Variants in ADGRB1 observed in about 807,000 individuals in gnomAD.
The protein encoded by ADGRB1 is brain-specific angiogenesis inhibitor 1.
ADGRB1 carries 36 observed loss-of-function variants against 175.7 expected under a neutral mutation model. The observed-to-expected ratio is 0.20, with a 90% CI of 0.16 to 0.27. The LOEUF (loss-of-function observed/expected upper bound fraction) is 0.27. Among genes scored for constraint, ADGRB1 ranks in the 10% least tolerant of loss-of-function variants. The pLI is 1.00. For synonymous variants in ADGRB1, 1,054 were observed against 979.4 expected (o/e 1.08, Z -1.42); for missense variants, 1,731 against 2,255.3 (o/e 0.77, Z 4.71).
At position 142,537,280 on chromosome 8, in the gene ADGRB1, C is replaced by T. The variant is rs927992807; in HGVS notation, c.3666+198C>T. On this transcript the variant is annotated intron_variant, in intron 26 of 30. Coordinates refer to ENST00000517894, the MANE Select transcript of ADGRB1 (RefSeq NM_001702.3). This position sits in a 1 kb window ranked among gnomAD's most constrained non-coding sequence, Gnocchi z 4.6. ...GGTCCGGGGTTTCCAGCTGGGAAGG[C>T]CTGAGCTGATGAGTTTGGAGGTCTC... Among the ~76,000 whole-genome samples the T allele has an allele frequency of 6.6e-5, 10 of 152,208 alleles. 2 individuals are homozygous for T. The highest frequency in any genetic ancestry group is 6.5e-4 in the Admixed American group (10 of 15,294).
intron 18 of ADGRB1, among the ~76,000 whole-genome samples, chr8:142,517,464 CAG>C (rs1171135974): frequency 2.0e-5 from 3 of 152,192 alleles, no homozygotes; most frequent in African/African-American, 2.4e-5. Context: ...GAGGAGCTCA[CAG>C]GGGGCAGGGC....
At chr8:142,541,419 C>T (rs1414429357) in intron 27 of ADGRB1, among the ~76,000 whole-genome samples, 1 of 152,076 alleles carries the variant, frequency 6.6e-6, no homozygotes, top group Non-Finnish European at 1.5e-5. Context: ...GGCTTGCAGG[C>T]CCCAGGGGCA....
At chr8:142,509,387 G>A (rs973879197) in intron 17 of ADGRB1, among the ~76,000 whole-genome samples, 7 of 152,220 alleles carry the variant, frequency 4.6e-5, no homozygotes, top group African/African-American at 1.4e-4. Context: ...GGACACAGCC[G>A]AGGCACAAAG....
chr8:142,542,256 T>C lies in ADGRB1; in HGVS notation c.4022T>C (p.Leu1341Pro). The change falls in exon 28 of 31, where the codon CTG becomes CCG. Residue 1341 changes from leucine (L) to proline (P), a missense_variant. Around this residue, in one of 8 missense-constraint regions of ADGRB1, gnomAD observed 394 missense variants for 410.2 expected, o/e 0.96. Transcript: ENST00000517894. This position sits in a 1 kb window ranked among gnomAD's most constrained non-coding sequence, Gnocchi z 6.3. ...CTGAGCCGGGCCCAGGAGAAGGCTC[T>C]GGACACGAGCTACGTGATCCTGCCC... ...SELSRAQEKA[L>P]DTSYVILPTA... 1.2e-6 allele frequency: 2 copies of C among 1,613,556 alleles called. No individual in the cohort carries two copies. The highest frequency in any genetic ancestry group is 1.7e-6 in the Non-Finnish European group (2 of 1,179,842).
chr8:142,482,229 C>T, intron 11 of ADGRB1, among the ~76,000 whole-genome samples: 1 of 148,542 alleles, frequency 6.7e-6, no homozygotes, highest in Non-Finnish European at 1.5e-5. Context: ...ATCCTGGTCA[C>T]ACACTGAGCC....
chr8:142,478,118 C>A, intron 6 of ADGRB1, 69 bp from the exon 7 acceptor site: 1 of 1,548,274 alleles, frequency 6.5e-7, no homozygotes, highest in Non-Finnish European at 8.7e-7. Context: ...GGTGCTCACA[C>A]CCACATTCCA....
chr8:142,476,170 G>T (rs970737394), intron 3 of ADGRB1, among the ~76,000 whole-genome samples: 2 of 152,226 alleles, frequency 1.3e-5, no homozygotes, highest in Admixed American at 6.5e-5. Flanking sequence ...AAATCACGTT[G>T]TAATGAGACT....
At chr8:142,506,837 A>G (rs893451300) in intron 17 of ADGRB1, among the ~76,000 whole-genome samples, 1 of 152,194 alleles carries the variant, frequency 6.6e-6, no homozygotes, top group Non-Finnish European at 1.5e-5. Flanking sequence ...CTGTCCTGCT[A>G]AAGGCCAGTC....
chr8:142,533,545 C>T, intron 25 of ADGRB1, 79 bp downstream of exon 25: 2 of 1,454,944 alleles, frequency 1.4e-6, no homozygotes, highest in Non-Finnish European at 1.8e-6. Flanking sequence ...TCCCCGAGGA[C>T]CTCGGCAGGG....
At chr8:142,536,900 C>A in intron 25 of ADGRB1, 87 bp from the exon 26 acceptor site, 1 of 1,166,474 alleles carries the variant, frequency 8.6e-7, no homozygotes, top group Non-Finnish European at 1.2e-6. Context: ...AGACGCCCGC[C>A]CCCCCACAGG....
At chr8:142,539,265 T>G in intron 26 of ADGRB1, 109 bp from the exon 27 acceptor site, 1 of 1,137,440 alleles carries the variant, frequency 8.8e-7, no homozygotes, top group Non-Finnish European at 1.3e-6. Flanking sequence ...TGGACAGGGG[T>G]TCCTCGGGGC....
In ADGRB1 at chr8:142,488,515, G is replaced by T; in HGVS notation, c.2452+8G>T. Reference sequence around the variant, plus strand: ...TCTCCACGGGGCTGACAGGTGAGGGGCCCAGGGAGTGGAGGGGGACCTTCA... The same window carrying T: ...TCTCCACGGGGCTGACAGGTGAGGGTCCCAGGGAGTGGAGGGGGACCTTCA... On this transcript the variant is annotated splice_region_variant and intron_variant, in intron 14 of 30. Coordinates refer to ENST00000517894, the MANE Select transcript of ADGRB1 (RefSeq NM_001702.3). 6.2e-7 allele frequency: 1 copy of T among 1,611,232 alleles called. No individual in the cohort carries two copies. The highest frequency in any genetic ancestry group is 8.5e-7 in the Non-Finnish European group (1 of 1,178,746).
At chr8:142,513,909 C>T (rs942146015) in intron 18 of ADGRB1, among the ~76,000 whole-genome samples, 2 of 152,020 alleles carry the variant, frequency 1.3e-5, no homozygotes, top group African/African-American at 4.8e-5. Flanking sequence ...GGAGCCCGAG[C>T]TTACTCCAGG....
At chr8:142,523,442 G>A (rs1368092064) in intron 22 of ADGRB1, among the ~76,000 whole-genome samples, 1 of 151,976 alleles carries the variant, frequency 6.6e-6, no homozygotes, top group Non-Finnish European at 1.5e-5. Flanking sequence ...AGCCCCTGGG[G>A]ACAGGATGTG....
intron 26 of ADGRB1, among the ~76,000 whole-genome samples, chr8:142,539,039 G>A (rs7460047): frequency 0.097 from 14,777 of 152,202 alleles, 1,011 homozygotes; most frequent in South Asian, 0.28. Context: ...ACGCATGTAC[G>A]TGTACAAAAC....
rs773815336 is a variant in ADGRB1, at chr8:142,492,921, G to C, written c.2675+2106G>C. Among the ~76,000 whole-genome samples, 16 of 151,942 alleles carry C rather than the reference G, an allele frequency of 1.1e-4. No homozygotes were observed. The highest frequency in any genetic ancestry group is 3.9e-4 in the African/African-American group (16 of 41,392). ...CCACAGTGCAGAAACCCTCCATCCG[G>C]GCTGTTCGCCGGCCGCGGCAGCTCT... is the stretch of plus-strand genomic sequence containing the variant. On this transcript the variant is annotated intron_variant, in intron 17 of 30. Transcript: ENST00000517894. This position sits in a 1 kb window ranked among gnomAD's most constrained non-coding sequence, Gnocchi z 4.4.
chr8:142,542,820 G>C lies in ADGRB1; in HGVS notation c.4413+173G>C, dbSNP rs753583806. ...GGTGTGCTGTGTATGTCTGACGTGT[G>C]GTCCCCACCCTAGGCTTGGCAGGGT... On this transcript the variant is annotated intron_variant, in intron 28 of 30. Coordinates refer to ENST00000517894, the MANE Select transcript of ADGRB1 (RefSeq NM_001702.3). The surrounding 1 kb of genome is among the most constrained non-coding windows in gnomAD (Gnocchi z 6.3). Among the ~76,000 whole-genome samples the C allele has an allele frequency of 3.5e-4, 54 of 152,234 alleles. No individual in the cohort carries two copies. Among genetic ancestry groups the C allele is most frequent in the Non-Finnish European group, 6.6e-4 (45 of 67,992 alleles).
intron 17 of ADGRB1, among the ~76,000 whole-genome samples, chr8:142,495,246 C>T (rs1842158457): frequency 6.8e-6 from 1 of 147,972 alleles, no homozygotes; most frequent in Non-Finnish European, 1.5e-5. Context: ...GGGGAGGCAG[C>T]GGAAGAACAG....
At chr8:142,454,057 A>G (rs1839515684) in intron 1 of ADGRB1, among the ~76,000 whole-genome samples, 1 of 152,180 alleles carries the variant, frequency 6.6e-6, no homozygotes, top group South Asian at 2.1e-4. Flanking sequence ...AGCTGCTGTC[A>G]GGAGCCATAG....
Sources: allele counts gnomAD v4.1 joint callset (sites outside exome capture counted in the v4.1 genomes callset), GRCh38; gene constraint gnomAD v4.1.1; regional missense constraint gnomAD v4.1.1; non-coding constraint Gnocchi (gnomAD v3.1); transcripts MANE v1.5; gene names NCBI Gene and HGNC (gene_info 2026-07-23, HGNC 2026-07-21).